The following TNS3 variants were observed in gnomAD, a reference collection of about 807,000 sequenced individuals.
TNS3 encodes tensin-3.
Under a neutral mutation model 140.9 loss-of-function variants are expected in TNS3, and 45 were observed. That is an observed-to-expected ratio of 0.32 (90% CI 0.25 to 0.41). TNS3 has a LOEUF of 0.41. TNS3 is among the 10% of genes least tolerant of loss of function. TNS3 has a pLI of 1.00. For synonymous variants in TNS3, 815 were observed against 788.4 expected (o/e 1.03, Z -0.56); for missense variants, 1,716 against 1,906.7 (o/e 0.90, Z 1.86).
In TNS3 at chr7:47,466,013, G is replaced by T. The variant is rs551142674; in HGVS notation, c.-76+15090C>A. The stretch of plus-strand genomic sequence containing the variant: ...ACATAGAACAAACTGCCAGAATTGT[G>T]AAGAATAATTTCTTAAAATATCTAA... On this transcript the variant is annotated intron_variant, in intron 4 of 30. Coordinates refer to ENST00000311160, the MANE Select transcript of TNS3 (RefSeq NM_022748.12). Among the ~76,000 whole-genome samples the T allele has an allele frequency of 4.6e-5, 7 of 152,178 alleles. No individual in the cohort carries two copies. In the South Asian group the frequency reaches 1.2e-3, roughly 27 times the overall value.
At chr7:47,426,334 A>C (rs779197152) in intron 9 of TNS3, among the ~76,000 whole-genome samples, 1 of 152,196 alleles carries the variant, frequency 6.6e-6, no homozygotes, top group Non-Finnish European at 1.5e-5. Context: ...AAATCAACAA[A>C]TGCTTAAATA....
chr7:47,374,860 C>A (rs1791285759), intron 16 of TNS3, among the ~76,000 whole-genome samples: 1 of 152,144 alleles, frequency 6.6e-6, no homozygotes, highest in South Asian at 2.1e-4. Flanking sequence ...TTCCTGGTGC[C>A]CTGATGAGCT....
chr7:47,426,433 C>G (rs1415886545), intron 9 of TNS3, among the ~76,000 whole-genome samples: 1 of 152,154 alleles, frequency 6.6e-6, no homozygotes, highest in Non-Finnish European at 1.5e-5. Flanking sequence ...TGTAGAAAAT[C>G]AAGTCACAAA....
intron 16 of TNS3, among the ~76,000 whole-genome samples, chr7:47,385,252 G>A (rs759882754): frequency 2.6e-5 from 4 of 152,142 alleles, no homozygotes; most frequent in Non-Finnish European, 4.4e-5. Context: ...CACAGCCGGC[G>A]ACCAAGCCCC....
At chr7:47,465,763 A>G (rs1000867649) in intron 4 of TNS3, among the ~76,000 whole-genome samples, 2 of 151,974 alleles carry the variant, frequency 1.3e-5, no homozygotes, top group African/African-American at 4.8e-5. Flanking sequence ...CATCTCTACT[A>G]AAAATACAAA....
intron 3 of TNS3, among the ~76,000 whole-genome samples, chr7:47,483,392 A>G (rs1274410746): frequency 1.3e-5 from 2 of 152,074 alleles, no homozygotes; most frequent in Non-Finnish European, 2.9e-5. Context: ...GATAGTCTCG[A>G]TCTCCTGACC....
intron 16 of TNS3, 72 bp from the exon 17 acceptor site, chr7:47,369,693 G>A (rs747520063): frequency 4.4e-5 from 64 of 1,453,184 alleles, no homozygotes; most frequent in East Asian, 1.8e-4. Context: ...CTGAATGGGC[G>A]TGTGCATCTG....
intron 28 of TNS3, among the ~76,000 whole-genome samples, chr7:47,282,828 T>C (rs1458942094): frequency 6.6e-6 from 1 of 152,056 alleles, no homozygotes. Flanking sequence ...TTCCTGAAGC[T>C]ACAGAGGGGA....
Position 47,529,162 on chromosome 7 carries a change from G to A in TNS3, c.-264-15C>T. The A allele has an allele frequency of 8.2e-7, 1 of 1,225,410 alleles. No homozygotes were observed. The highest frequency in any genetic ancestry group is 1.3e-5 in the South Asian group (1 of 74,578). The allele number at this position is 1,225,410 out of a possible 1,614,324, so 75.9% of individuals were successfully genotyped here. ...AATTCTTCCGGCTGAAAAAGTAAAG[G>A]AAGAAATTGTCAACGTTTCATCTCA... On this transcript the variant is annotated splice_polypyrimidine_tract_variant and intron_variant, in intron 1 of 30. Coordinates refer to ENST00000311160, the MANE Select transcript of TNS3 (RefSeq NM_022748.12).
At chr7:47,453,365 G>GC in intron 4 of TNS3, 1 of 575,720 alleles carries the variant, frequency 1.7e-6, no homozygotes, top group South Asian at 7.6e-5. Flanking sequence ...CCTCTCAAAA[G>GC]TTCCCCCAGG....
At chr7:47,297,953 A>AT (rs1402326687) in intron 23 of TNS3, among the ~76,000 whole-genome samples, 1 of 151,618 alleles carries the variant, frequency 6.6e-6, no homozygotes, top group Non-Finnish European at 1.5e-5. Context: ...CGTCTGGCTA[A>AT]TTTTTTGTAT....
chr7:47,541,896 C>T (rs2151966404), intron 1 of TNS3, among the ~76,000 whole-genome samples: 1 of 151,358 alleles, frequency 6.6e-6, no homozygotes, highest in South Asian at 2.1e-4. Context: ...TTGCAGTGAG[C>T]CGAAATTGTG....
At position 47,475,081 on chromosome 7, in the gene TNS3, C is replaced by T. The variant is rs901922278; in HGVS notation, c.-76+6022G>A. The stretch of plus-strand genomic sequence containing the variant: ...ACACAAAAACACACCTCACGTACAA[C>T]ACACACACTGCATCACACAACACAC... On this transcript the variant is annotated intron_variant, in intron 4 of 30. Transcript: ENST00000311160. 2.6e-5 allele frequency among the ~76,000 whole-genome samples: 4 copies of T among 151,926 alleles called. No individual in the cohort carries two copies. In the South Asian group the frequency reaches 6.3e-4, roughly 24 times the overall value.
chr7:47,548,029 T>G (rs1218575034), intron 1 of TNS3, among the ~76,000 whole-genome samples: 1 of 152,212 alleles, frequency 6.6e-6, no homozygotes. Context: ...GTCTCCCAAG[T>G]AGCTCGGACT....
At chr7:47,578,216 G>A (rs1800719259) in intron 1 of TNS3, among the ~76,000 whole-genome samples, 1 of 152,024 alleles carries the variant, frequency 6.6e-6, no homozygotes. Context: ...GGGAGGCTGA[G>A]GCTGAATTGC....
intron 20 of TNS3, among the ~76,000 whole-genome samples, chr7:47,322,183 G>A (rs557264642): frequency 2.1e-5 from 3 of 142,192 alleles, no homozygotes; most frequent in Non-Finnish European, 4.5e-5. Flanking sequence ...CAAACCAATG[G>A]GAAAGCACAT....
rs1217603278 is a variant in TNS3, at chr7:47,369,475, T to G, written c.1171A>C (p.Ser391Arg). ...DHSDHTLSVS[S>R]DSGHSTASAR... ...GAGGCTGTAGAGTGGCCGGAGTCACTGCTGACAGACAAGGTGTGGTCACTG... is the reference window on the plus strand; with the variant it reads ...GAGGCTGTAGAGTGGCCGGAGTCACGGCTGACAGACAAGGTGTGGTCACTG... The change falls in exon 17 of 31, where the codon AGT becomes CGT. Residue 391 changes from serine (S) to arginine (R), a missense_variant. Physicochemically the swap from Ser to Arg is moderately radical, Grantham distance 110 (BLOSUM62 -1). This residue lies in a region of TNS3 where 1,163 missense variants were observed against 1,182.1 expected (regional missense o/e 0.98). Transcript: ENST00000311160. 3 of 1,614,166 alleles carry G rather than the reference T, an allele frequency of 1.9e-6. No homozygotes were observed. The South Asian group carries it at 3.3e-5, about 18-fold the overall frequency.
chr7:47,525,465 T>A (rs2151930735), intron 2 of TNS3, among the ~76,000 whole-genome samples: 1 of 152,336 alleles, frequency 6.6e-6, no homozygotes, highest in African/African-American at 2.4e-5. Context: ...GTTGAACATC[T>A]TGTCCAGATA....
intron 16 of TNS3, among the ~76,000 whole-genome samples, chr7:47,387,013 G>GCAT (rs1237311721): frequency 1.3e-5 from 2 of 152,186 alleles, no homozygotes; most frequent in African/African-American, 4.8e-5. Context: ...TACAACAACT[G>GCAT]CATCCCCTCT....
Sources: allele counts gnomAD v4.1 joint callset (sites outside exome capture counted in the v4.1 genomes callset), GRCh38; gene constraint gnomAD v4.1.1; regional missense constraint gnomAD v4.1.1; transcripts MANE v1.5; gene names NCBI Gene and HGNC (gene_info 2026-07-23, HGNC 2026-07-21).